Variants in GRXCR1 observed in about 807,000 individuals in gnomAD.
GRXCR1 encodes the protein glutaredoxin and cysteine rich domain containing 1.
In GRXCR1, 27 loss-of-function variants were observed where a neutral mutation model predicts 27.3. The ratio of observed to expected loss-of-function variants is 0.99; its 90% CI spans 0.73 to 1.37. The LOEUF is 1.37. Among genes scored for constraint, GRXCR1 ranks in the 40% most tolerant of loss-of-function variants. The pLI is 0.00. For missense variants in GRXCR1, 379 were observed against 354.4 expected, an observed-to-expected ratio of 1.07 and a Z score of -0.56; for synonymous variants, 122 against 131.1, an observed-to-expected ratio of 0.93 and a Z score of 0.47.
intron 1 of GRXCR1, among the ~76,000 whole-genome samples, chr4:42,923,623 T>C (rs1747073631): frequency 1.3e-5 from 2 of 152,124 alleles, no homozygotes; most frequent in Admixed American, 6.6e-5. Flanking sequence ...AACAATTTAA[T>C]TCCTTTTCTT....
chr4:42,956,849 A>G (rs1004635148), intron 1 of GRXCR1, among the ~76,000 whole-genome samples: 1 of 152,112 alleles, frequency 6.6e-6, no homozygotes, highest in African/African-American at 2.4e-5. Context: ...ATCATTTTGA[A>G]ACGTAAACCA....
intron 2 of GRXCR1, among the ~76,000 whole-genome samples, chr4:42,984,962 G>T (rs1711659522): frequency 6.6e-6 from 1 of 152,136 alleles, no homozygotes; most frequent in African/African-American, 2.4e-5. Context: ...TATTTAGTAT[G>T]ATGGGCCTGA....
chr4:43,021,227 C>T (rs938102701), intron 3 of GRXCR1, among the ~76,000 whole-genome samples: 1 of 152,142 alleles, frequency 6.6e-6, no homozygotes, highest in Admixed American at 6.5e-5. Flanking sequence ...TGCTTTCTTA[C>T]TACTATCCCT....
chr4:42,980,898 G>A (rs914819254), intron 2 of GRXCR1, among the ~76,000 whole-genome samples: 1 of 150,048 alleles, frequency 6.7e-6, no homozygotes, highest in African/African-American at 2.4e-5. Flanking sequence ...CAGTCTTTAT[G>A]TGCCCTTACA....
chr4:42,933,089 A>T (rs866905407), intron 1 of GRXCR1, among the ~76,000 whole-genome samples: 3 of 151,962 alleles, frequency 2.0e-5, no homozygotes, highest in African/African-American at 7.2e-5. Flanking sequence ...TTATTAAAAC[A>T]TAGGTAAAGA....
At chr4:42,973,126 T>A (rs1223030336) in intron 2 of GRXCR1, among the ~76,000 whole-genome samples, 1 of 152,164 alleles carries the variant, frequency 6.6e-6, no homozygotes, top group Non-Finnish European at 1.5e-5. Flanking sequence ...TATAGTCACT[T>A]GTTGCTGAAG....
intron 1 of GRXCR1, among the ~76,000 whole-genome samples, chr4:42,934,802 G>A (rs9992162): frequency 0.013 from 1,927 of 152,082 alleles, 47 homozygotes; most frequent in African/African-American, 0.044. Context: ...AACTTGATAA[G>A]AGTTGATTGG....
chr4:42,999,387 G>T (rs1030320494), intron 2 of GRXCR1, among the ~76,000 whole-genome samples: 1 of 152,208 alleles, frequency 6.6e-6, no homozygotes, highest in Non-Finnish European at 1.5e-5. Context: ...GCTTCTTCAA[G>T]GTCCTTCGAC....
At position 42,896,253 on chromosome 4, in the gene GRXCR1, A is replaced by T. The variant is rs575383376; in HGVS notation, c.384+2603A>T. On this transcript the variant is annotated intron_variant, in intron 1 of 3. Transcript: ENST00000399770. ...AACTGCACAGAAAAAAGTCATTGCA[A>T]TTTTTGCCTTAAAATATTTTTACTT... Among the ~76,000 whole-genome samples the T allele has an allele frequency of 5.9e-5, 9 of 152,226 alleles. No individual in the cohort carries two copies. In the South Asian group the frequency reaches 1.9e-3, roughly 32 times the overall value.
At chr4:42,909,156 G>A (rs1405423495) in intron 1 of GRXCR1, among the ~76,000 whole-genome samples, 1 of 152,284 alleles carries the variant, frequency 6.6e-6, no homozygotes, top group Admixed American at 6.5e-5. Flanking sequence ...TAACCTCTAC[G>A]TGGCAACCCT....
intron 2 of GRXCR1, among the ~76,000 whole-genome samples, chr4:43,010,688 G>T (rs1042049611): frequency 2.3e-4 from 34 of 149,358 alleles, no homozygotes; most frequent in African/African-American, 8.7e-4. Context: ...TTAAAAAAGT[G>T]ATTTTTAAGA....
intron 1 of GRXCR1, among the ~76,000 whole-genome samples, chr4:42,946,119 A>C (rs564749609): frequency 6.6e-6 from 1 of 152,246 alleles, no homozygotes; most frequent in South Asian, 2.1e-4. Flanking sequence ...AAGAGCTATA[A>C]AATTATACTG....
intron 2 of GRXCR1, among the ~76,000 whole-genome samples, chr4:43,006,187 C>T (rs966835259): frequency 2.0e-5 from 3 of 152,104 alleles, no homozygotes; most frequent in Non-Finnish European, 2.9e-5. Flanking sequence ...ATGTATATCG[C>T]CTCAGGACCC....
chr4:43,004,894 G>C (rs1349539609), intron 2 of GRXCR1, among the ~76,000 whole-genome samples: 1 of 152,168 alleles, frequency 6.6e-6, no homozygotes, highest in Non-Finnish European at 1.5e-5. Flanking sequence ...AAGACTTTGA[G>C]GGACTGTTGG....
At chr4:42,997,804 C>G (rs868084434) in intron 2 of GRXCR1, among the ~76,000 whole-genome samples, 2 of 152,144 alleles carry the variant, frequency 1.3e-5, no homozygotes, top group African/African-American at 4.8e-5. Context: ...AGGCCCCTGC[C>G]CTCATTTCTG....
chr4:42,921,939 C>T (rs191422836), intron 1 of GRXCR1, among the ~76,000 whole-genome samples: 2 of 152,004 alleles, frequency 1.3e-5, no homozygotes, highest in African/African-American at 2.4e-5. Flanking sequence ...AGGAGAAAAG[C>T]GATTGGAAGT....
intron 2 of GRXCR1, among the ~76,000 whole-genome samples, chr4:43,017,502 A>G (rs1355394720): frequency 6.6e-6 from 1 of 152,184 alleles, no homozygotes; most frequent in Non-Finnish European, 1.5e-5. Context: ...TTCTTAAAAA[A>G]TGCTTACTTC....
intron 2 of GRXCR1, among the ~76,000 whole-genome samples, chr4:43,016,860 A>G (rs1179288176): frequency 2.6e-5 from 4 of 152,100 alleles, no homozygotes; most frequent in African/African-American, 9.7e-5. Flanking sequence ...ACCTTTTTTT[A>G]TTCCTCGAAA....
intron 1 of GRXCR1, among the ~76,000 whole-genome samples, chr4:42,911,659 A>G (rs1411024087): frequency 1.3e-5 from 2 of 151,990 alleles, no homozygotes; most frequent in Non-Finnish European, 2.9e-5. Context: ...GGAAAGAAAA[A>G]TCCCTAGGCT....
Sources: gnomAD v4.1 joint callset for allele counts (sites outside exome capture counted in the v4.1 genomes callset) on GRCh38, gnomAD v4.1.1 for gene constraint, MANE v1.5 for transcripts, NCBI Gene and HGNC (gene_info 2026-07-23, HGNC 2026-07-21) for gene names.